Variants in ARHGAP32 observed in about 807,000 individuals in gnomAD.
ARHGAP32 encodes Rho GTPase activating protein 32.
ARHGAP32 carries 51 observed loss-of-function variants against 186.5 expected under a neutral mutation model. The ratio of observed to expected loss-of-function variants is 0.27; its 90% CI spans 0.22 to 0.35. The LOEUF is 0.35. Ranked by LOEUF, ARHGAP32 falls within the 10% of genes least tolerant of loss-of-function variation. The pLI, the probability that ARHGAP32 is intolerant of heterozygous loss-of-function variation, is 1.00. For synonymous variants in ARHGAP32, 950 were observed against 964.3 expected (o/e 0.99, Z 0.27); for missense variants, 2,186 against 2,623.5 (o/e 0.83, Z 3.64).
intron 6 of ARHGAP32, among the ~76,000 whole-genome samples, chr11:129,083,166 AAC>A (rs1941271657): frequency 6.6e-6 from 1 of 152,216 alleles, no homozygotes; most frequent in South Asian, 2.1e-4. Context: ...CACTATGGAA[AAC>A]AGTGTGGACA....
upstream of ARHGAP32, among the ~76,000 whole-genome samples, chr11:129,193,592 ATGT>A (rs1479024900): frequency 7.3e-4 from 38 of 51,910 alleles, 3 homozygotes; most frequent in East Asian, 4.8e-3. Flanking sequence ...TATATAATAT[ATGT>A]TATATATAAT....
chr11:129,176,849 C>G (rs550160642), intron 1 of ARHGAP32, among the ~76,000 whole-genome samples: 1 of 151,974 alleles, frequency 6.6e-6, no homozygotes, highest in African/African-American at 2.4e-5. Flanking sequence ...GATCCAACAT[C>G]GACACCCTAA....
chr11:129,220,355 T>G (rs2135609117), intron 1 of ARHGAP32, among the ~76,000 whole-genome samples: 1 of 152,276 alleles, frequency 6.6e-6, no homozygotes, highest in South Asian at 2.1e-4. Flanking sequence ...TAAGTGTGAC[T>G]GATACTAACA....
intron 7 of ARHGAP32, 144 bp from the exon 8 acceptor site, chr11:129,065,077 G>A (rs995522398): frequency 3.2e-6 from 2 of 616,032 alleles, no homozygotes; most frequent in African/African-American, 3.7e-5. Context: ...AAACTTACCA[G>A]TAGCACTATG....
intron 1 of ARHGAP32, among the ~76,000 whole-genome samples, chr11:129,265,979 T>A (rs1945394782): frequency 6.6e-6 from 1 of 152,204 alleles, no homozygotes; most frequent in Admixed American, 6.6e-5. Flanking sequence ...AAAATAATTC[T>A]GTTTAGTAGG....
intron 6 of ARHGAP32, among the ~76,000 whole-genome samples, chr11:129,090,581 C>A (rs188984078): frequency 2.6e-5 from 4 of 152,004 alleles, no homozygotes; most frequent in Non-Finnish European, 4.4e-5. Context: ...CTTATACCAA[C>A]AAAACTAGAT....
chr11:129,177,691 T>C (rs1465020972), intron 1 of ARHGAP32, among the ~76,000 whole-genome samples: 1 of 152,124 alleles, frequency 6.6e-6, no homozygotes, highest in African/African-American at 2.4e-5. Context: ...AAAAACCACA[T>C]GATTATCTCA....
At chr11:129,125,039 T>C (rs986990950) in intron 2 of ARHGAP32, 145 bp from the exon 3 acceptor site, 2 of 541,186 alleles carry the variant, frequency 3.7e-6, no homozygotes, top group Admixed American at 7.2e-5. Context: ...ATTACTGAGT[T>C]TTAATTATTA....
intron 1 of ARHGAP32, among the ~76,000 whole-genome samples, chr11:129,239,039 G>A (rs1267234433): frequency 3.3e-5 from 5 of 151,754 alleles, no homozygotes; most frequent in Admixed American, 1.3e-4. Context: ...TTATACAGAC[G>A]ACGTTTCACT....
intron 1 of ARHGAP32, among the ~76,000 whole-genome samples, chr11:129,219,368 A>C (rs770607766): frequency 6.6e-6 from 1 of 152,172 alleles, no homozygotes; most frequent in Non-Finnish European, 1.5e-5. Context: ...TTTACAAAGC[A>C]TATCTTTTCC....
chr11:129,077,431 C>A (rs941875052), intron 6 of ARHGAP32, among the ~76,000 whole-genome samples: 2 of 152,080 alleles, frequency 1.3e-5, no homozygotes, highest in African/African-American at 2.4e-5. Flanking sequence ...CACCAGCTGA[C>A]AGGATATAAA....
chr11:129,095,948 AAAG>A (rs1451478533), intron 5 of ARHGAP32, among the ~76,000 whole-genome samples: 2 of 152,346 alleles, frequency 1.3e-5, no homozygotes, highest in Admixed American at 6.5e-5. Flanking sequence ...CAAAATATTT[AAAG>A]TAGTGATAAA....
chr11:129,267,870 G>A (rs1235712122), intron 1 of ARHGAP32, among the ~76,000 whole-genome samples: 2 of 152,176 alleles, frequency 1.3e-5, no homozygotes, highest in Non-Finnish European at 1.5e-5. Flanking sequence ...CATGGTGAGA[G>A]AGGAAGCAAG....
chr11:129,042,169 G>A (rs1939622932), intron 10 of ARHGAP32, among the ~76,000 whole-genome samples: 1 of 151,950 alleles, frequency 6.6e-6, no homozygotes. Context: ...TTTTGTTTTT[G>A]AGACAGGGTC....
intron 2 of ARHGAP32, among the ~76,000 whole-genome samples, chr11:129,129,625 A>G (rs548652125): frequency 6.6e-6 from 1 of 152,258 alleles, no homozygotes; most frequent in Non-Finnish European, 1.5e-5. Flanking sequence ...AAGAGAGATC[A>G]GATTGTTACT....
Position 129,030,192 on chromosome 11 carries a change from T to C in ARHGAP32, c.1045+10736A>G, listed in dbSNP as rs148159089. On this transcript the variant is annotated intron_variant, in intron 11 of 22. Coordinates refer to ENST00000682385, the MANE Select transcript of ARHGAP32 (RefSeq NM_001378024.1). ...TTCATATTCGGTGCAACACTCCAAA[T>C]AGAGTAAGTAAAAACCTGGACCTCT... 1.4e-3 allele frequency among the ~76,000 whole-genome samples: 208 copies of C among 152,246 alleles called. 3 individuals are homozygous for C. The highest frequency in any genetic ancestry group is 4.7e-3 in the African/African-American group (195 of 41,536).
intron 6 of ARHGAP32, among the ~76,000 whole-genome samples, chr11:129,088,994 TCA>T (rs1491130229): frequency 1.0e-3 from 67 of 65,572 alleles, no homozygotes; most frequent in Middle Eastern, 0.021. Flanking sequence ...AGAGACCTTG[TCA>T]AAAAAAAAAA....
rs537679652 is a variant in ARHGAP32, at chr11:129,207,190, T to C, written c.-4-42763A>G. Among the ~76,000 whole-genome samples the C allele has an allele frequency of 2.5e-4, 38 of 152,362 alleles. 2 individuals are homozygous for C. In the South Asian group the frequency reaches 7.3e-3, roughly 29 times the overall value. On this transcript the variant is annotated intron_variant, in intron 1 of 6. Coordinates refer to the ARHGAP32 transcript ENST00000525234. Reference sequence around the variant, plus strand: ...TTGGGATGGTTCCAAGTCTTTGCTATTGTGAACAGTGTTGCAATAAACATA... The same window carrying C: ...TTGGGATGGTTCCAAGTCTTTGCTACTGTGAACAGTGTTGCAATAAACATA...
intron 5 of ARHGAP32, among the ~76,000 whole-genome samples, chr11:129,097,995 C>G (rs1357946426): frequency 6.6e-6 from 1 of 152,050 alleles, no homozygotes; most frequent in African/African-American, 2.4e-5. Context: ...CTTTAAAGGT[C>G]AAAAAACAGC....
Sources: gnomAD v4.1 joint callset for allele counts (sites outside exome capture counted in the v4.1 genomes callset) on GRCh38, gnomAD v4.1.1 for gene constraint, MANE v1.5 for transcripts, NCBI Gene and HGNC (gene_info 2026-07-23, HGNC 2026-07-21) for gene names.